KHDRBS2: variants seen among roughly 807,000 people sequenced by gnomAD.
KHDRBS2 encodes the protein KH domain-containing, RNA-binding, signal transduction-associated protein 2.
Under a neutral mutation model 44.3 loss-of-function variants are expected in KHDRBS2, and 26 were observed. The ratio of observed to expected loss-of-function variants is 0.59; its 90% confidence interval spans 0.43 to 0.81. The LOEUF (loss-of-function observed/expected upper bound fraction) is 0.81, where lower values mean the gene tolerates loss of function less well. Ranked by LOEUF, KHDRBS2 falls within the 40% of genes least tolerant of loss-of-function variation. KHDRBS2 has a pLI of 0.00. For synonymous variants in KHDRBS2, 194 were observed against 151.1 expected (o/e 1.28, Z -2.08); for missense variants, 476 against 433.1 (o/e 1.10, Z -0.88).
intron 6 of KHDRBS2, among the ~76,000 whole-genome samples, chr6:61,798,949 T>C (rs1212149271): frequency 6.6e-6 from 1 of 152,002 alleles, no homozygotes; most frequent in African/African-American, 2.4e-5. Flanking sequence ...CTGATGATGA[T>C]GACAATGATG....
chr6:61,897,331 G>T (rs1011660482), intron 5 of KHDRBS2, among the ~76,000 whole-genome samples: 1 of 152,218 alleles, frequency 6.6e-6, no homozygotes, highest in African/African-American at 2.4e-5. Context: ...AGCTTGTCAT[G>T]TGGGCAGTTC....
In KHDRBS2 at chr6:62,053,032, T is replaced by C. The variant is rs567492836; in HGVS notation, c.220-5038A>G. Among the ~76,000 whole-genome samples, 16 of 152,212 alleles carry C rather than the reference T, an allele frequency of 1.1e-4. No homozygotes were observed. The South Asian group carries it at 3.3e-3, about 32-fold the overall frequency. On this transcript the variant is annotated intron_variant, in intron 2 of 8. Transcript: ENST00000281156. ...AAAATAATGGGTAACTGCGAGATGA[T>C]GGATATGTCAGTTTGCTTCACTACA...
At chr6:61,802,674 C>A (rs1786468831) in intron 6 of KHDRBS2, among the ~76,000 whole-genome samples, 1 of 152,130 alleles carries the variant, frequency 6.6e-6, no homozygotes, top group African/African-American at 2.4e-5. Flanking sequence ...CTCCCAAGTT[C>A]ATTAGGGTTA....
chr6:61,760,151 C>T (rs369960883), intron 6 of KHDRBS2, among the ~76,000 whole-genome samples: 24 of 152,208 alleles, frequency 1.6e-4, no homozygotes, highest in African/African-American at 4.8e-4. Flanking sequence ...ATACATTGTG[C>T]TAAACATCCG....
intron 6 of KHDRBS2, among the ~76,000 whole-genome samples, chr6:61,865,166 C>T (rs1322473922): frequency 2.0e-5 from 3 of 152,070 alleles, no homozygotes; most frequent in African/African-American, 7.2e-5. Context: ...CTATCAGTAC[C>T]TGCATTGTTT....
the KHDRBS2 span, among the ~76,000 whole-genome samples, chr6:61,669,759 G>T: frequency 0.025 from 3,706 of 150,896 alleles, 71 homozygotes; most frequent in Middle Eastern, 0.083. Flanking sequence ...TTACCTATAA[G>T]AAATTTAAGC....
chr6:62,138,167 T>A (rs1052834978), intron 2 of KHDRBS2, among the ~76,000 whole-genome samples: 4 of 152,336 alleles, frequency 2.6e-5, no homozygotes, highest in Non-Finnish European at 5.9e-5. Context: ...TCAATAACCT[T>A]CTGTCTTCCT....
At chr6:62,236,528 A>G (rs931085197) in intron 1 of KHDRBS2, among the ~76,000 whole-genome samples, 7 of 152,028 alleles carry the variant, frequency 4.6e-5, no homozygotes, top group African/African-American at 1.7e-4. Context: ...ACCTCCATGT[A>G]ACTTCACCAA....
In KHDRBS2 at chr6:61,955,575, C is replaced by CGTAT. The variant is rs528092401; in HGVS notation, c.483+22487_483+22490dup. Among the ~76,000 whole-genome samples, 14 of 74,480 alleles carry CGTAT rather than the reference C, an allele frequency of 1.9e-4. 5 individuals are homozygous for CGTAT. Among genetic ancestry groups the CGTAT allele is most frequent in the Non-Finnish European group, 4.0e-4 (13 of 32,542 alleles). 48.9% of individuals were successfully genotyped at this position (74,480 alleles called of 152,430 possible). On this transcript the variant is annotated intron_variant, in intron 4 of 8. Transcript: ENST00000281156. ...GTATGTATACATGTGTATATATACACGTATGTATGTATGTATACATGTGTG... is the reference window on the plus strand; with the variant it reads ...GTATGTATACATGTGTATATATACACGTATGTATGTATGTATGTATACATGTGTG...
chr6:62,223,831 G>A (rs1008444099), intron 1 of KHDRBS2, among the ~76,000 whole-genome samples: 2 of 152,044 alleles, frequency 1.3e-5, no homozygotes, highest in African/African-American at 4.8e-5. Context: ...CTCCATCTGA[G>A]ACCACCTCAG....
At chr6:61,805,973 T>C (rs1787094057) in intron 6 of KHDRBS2, among the ~76,000 whole-genome samples, 1 of 152,084 alleles carries the variant, frequency 6.6e-6, no homozygotes, top group African/African-American at 2.4e-5. Flanking sequence ...GTCACACAAG[T>C]AATTAGTGGT....
At chr6:62,164,794 C>T (rs1314176420) in intron 2 of KHDRBS2, among the ~76,000 whole-genome samples, 2 of 151,842 alleles carry the variant, frequency 1.3e-5, no homozygotes, top group African/African-American at 4.8e-5. Context: ...CTGACCAAGA[C>T]ACTATGAAGT....
chr6:61,893,888 T>TA (rs1333008795), intron 6 of KHDRBS2, among the ~76,000 whole-genome samples: 1 of 150,326 alleles, frequency 6.7e-6, no homozygotes, highest in African/African-American at 2.5e-5. Flanking sequence ...CCCTAAAACT[T>TA]AAAGTATAAT....
intron 6 of KHDRBS2, among the ~76,000 whole-genome samples, chr6:61,761,663 C>T (rs1779286450): frequency 6.6e-6 from 1 of 152,086 alleles, no homozygotes; most frequent in Non-Finnish European, 1.5e-5. Flanking sequence ...AATGGAACTG[C>T]CATTATAATA....
chr6:61,894,878 G>GA, intron 5 of KHDRBS2, 45 bp from the exon 6 acceptor site: 2 of 1,382,752 alleles, frequency 1.4e-6, no homozygotes, highest in Non-Finnish European at 1.0e-6. Context: ...GGTGATGAGA[G>GA]AAAAGGGCCT....
At chr6:61,544,540 C>T in the KHDRBS2 span, among the ~76,000 whole-genome samples, 2 of 152,056 alleles carry the variant, frequency 1.3e-5, no homozygotes, top group East Asian at 3.9e-4. Context: ...CCTTTCCCAA[C>T]TAGGTTTAAC....
At chr6:62,213,873 CAAAAAAAAA>C (rs67482871) in intron 1 of KHDRBS2, among the ~76,000 whole-genome samples, 9 of 41,486 alleles carry the variant, frequency 2.2e-4, no homozygotes, top group South Asian at 1.8e-3. Flanking sequence ...GACTCCATCT[CAAAAAAAAA>C]AAAAAAAAAA....
chr6:61,908,511 G>A (rs1443660441), intron 4 of KHDRBS2, among the ~76,000 whole-genome samples: 2 of 151,764 alleles, frequency 1.3e-5, no homozygotes, highest in Non-Finnish European at 2.9e-5. Flanking sequence ...GTGAGCGCCT[G>A]TAGTTCCAGC....
At chr6:62,207,350 T>A (rs1485928648) in intron 1 of KHDRBS2, among the ~76,000 whole-genome samples, 1 of 152,114 alleles carries the variant, frequency 6.6e-6, no homozygotes, top group African/African-American at 2.4e-5. Context: ...GTCTGCTTTA[T>A]CCACAAATGC....
Sources: allele counts gnomAD v4.1 joint callset (sites outside exome capture counted in the v4.1 genomes callset), GRCh38; gene constraint gnomAD v4.1.1; transcripts MANE v1.5; gene names NCBI Gene and HGNC (gene_info 2026-07-23, HGNC 2026-07-21).